The following THOC7 variants were observed in gnomAD, a reference collection of about 807,000 sequenced individuals.
The protein encoded by THOC7 is NIF3L1-binding protein 1.
THOC7 carries 22 observed loss-of-function variants against 33.1 expected under a neutral mutation model. The observed-to-expected ratio is 0.66, with a 90% CI of 0.47 to 0.95. The LOEUF (loss-of-function observed/expected upper bound fraction) is 0.95, where lower values mean the gene tolerates loss of function less well. Among genes scored for constraint, THOC7 ranks in the 40% least tolerant of loss-of-function variants. The probability of loss-of-function intolerance (pLI) is 0.00; values close to 1 mark genes in which losing one functional copy is unlikely to be tolerated. For missense variants in THOC7, 184 were observed against 245.3 expected (o/e 0.75, Z 1.67); for synonymous variants, 77 against 76.8 (o/e 1.00, Z -0.01).
intron 3 of THOC7, 82 bp from the exon 4 acceptor site, chr3:63,838,144 C>A: frequency 7.7e-7 from 1 of 1,307,038 alleles, no homozygotes; most frequent in Admixed American, 2.3e-5. Flanking sequence ...TATAAATTAA[C>A]CTCTATTGGT....
intron 1 of THOC7, among the ~76,000 whole-genome samples, chr3:63,853,701 G>A (rs2107156989): frequency 6.6e-6 from 1 of 152,302 alleles, no homozygotes; most frequent in Non-Finnish European, 1.5e-5. Flanking sequence ...GAGGTCAGGA[G>A]ATCGAGACCA....
chr3:63,856,943 C>A (rs184888582), intron 1 of THOC7, among the ~76,000 whole-genome samples: 9 of 152,166 alleles, frequency 5.9e-5, no homozygotes, highest in African/African-American at 2.2e-4. Context: ...TGGTCTTGAA[C>A]GCCTGACCTC....
chr3:63,849,038 A>G (rs1701967205), intron 1 of THOC7, among the ~76,000 whole-genome samples: 1 of 152,220 alleles, frequency 6.6e-6, no homozygotes, highest in Non-Finnish European at 1.5e-5. Context: ...AATTGGAAAC[A>G]GTGGTTATAT....
In THOC7 at chr3:63,835,379, G is replaced by A; in HGVS notation, c.422C>T (p.Ala141Val). 1 of 1,613,260 alleles carries A rather than the reference G, an allele frequency of 6.2e-7. No individual in the cohort carries two copies. ...AAGATGCTCTAATTCTTTTCCCAGA[G>A]CCTCTAGTTCCCTGGAAATAATAAA... ...DRHETLKELEALGKELEHLSH... is the reference protein window; with the variant it reads ...DRHETLKELEVLGKELEHLSH... The change falls in exon 6 of 8, where the codon GCT becomes GTT. Residue 141 changes from alanine to valine, a missense_variant. By Grantham distance (64) the Ala-to-Val change is moderately conservative. Transcript: ENST00000295899.
chr3:63,847,709 TC>T, intron 1 of THOC7, among the ~76,000 whole-genome samples: 1 of 104,132 alleles, frequency 9.6e-6, no homozygotes, highest in East Asian at 2.5e-4. Context: ...TGCACTCCAG[TC>T]TGGGCAACAG....
rs897968378 is a variant in THOC7, at chr3:63,833,903, G to A, written c.*229C>T. ...AAAAGCATTTTATTAAGCATTTTTG[G>A]ATGTTGCTTCCTACCACTTAAGAAT... is the stretch of plus-strand genomic sequence containing the variant. On this transcript the variant is annotated 3_prime_UTR_variant, in exon 8 of 8. Transcript: ENST00000295899. 1.1e-5 allele frequency: 5 copies of A among 440,850 alleles called. No individual in the cohort carries two copies. Among genetic ancestry groups the A allele is most frequent in the African/African-American group, 6.1e-5 (3 of 49,152 alleles). The allele number at this position is 440,850 out of a possible 1,614,324, so 27.3% of individuals were successfully genotyped here. A position where few individuals can be genotyped will look rare whatever the true frequency, so the allele number is the denominator to read the frequency against.
chr3:63,858,989 G>T (rs1702160380), intron 1 of THOC7, among the ~76,000 whole-genome samples: 1 of 152,220 alleles, frequency 6.6e-6, no homozygotes, highest in African/African-American at 2.4e-5. Context: ...TGGATTACAT[G>T]AAGGGACAGT....
At chr3:63,857,734 T>C (rs1215591219) in intron 1 of THOC7, among the ~76,000 whole-genome samples, 2 of 152,240 alleles carry the variant, frequency 1.3e-5, no homozygotes, top group African/African-American at 4.8e-5. Context: ...TCTACATAAA[T>C]TGCTGATGCC....
chr3:63,859,547 T>C (rs1334135333), intron 1 of THOC7, among the ~76,000 whole-genome samples: 1 of 152,252 alleles, frequency 6.6e-6, no homozygotes, highest in Admixed American at 6.5e-5. Flanking sequence ...GTTGAACCTG[T>C]CAGGTATCAC....
intron 7 of THOC7, 99 bp downstream of exon 7, chr3:63,835,055 A>T: frequency 8.6e-7 from 1 of 1,160,520 alleles, no homozygotes; most frequent in Non-Finnish European, 1.2e-6. Flanking sequence ...CAGAAATTGA[A>T]GGTATACTGT....
chr3:63,863,745 C>T, intron 1 of THOC7, 27 bp downstream of exon 1: 1 of 1,249,354 alleles, frequency 8.0e-7, no homozygotes, highest in Non-Finnish European at 1.0e-6. Context: ...GTGCAGCGGG[C>T]GCGTGTGGCG....
At chr3:63,837,685 G>C (rs1431055309) in intron 4 of THOC7, among the ~76,000 whole-genome samples, 1 of 151,010 alleles carries the variant, frequency 6.6e-6, no homozygotes, top group Non-Finnish European at 1.5e-5. Flanking sequence ...TAGGCAAAAG[G>C]GTCCAAGATG....
chr3:63,847,029 T>C (rs1446009385), intron 1 of THOC7, among the ~76,000 whole-genome samples: 1 of 152,050 alleles, frequency 6.6e-6, no homozygotes, highest in Non-Finnish European at 1.5e-5. Context: ...AATTCACTAG[T>C]AGGAGGGCTA....
intron 7 of THOC7, 80 bp from the exon 8 acceptor site, chr3:63,834,279 A>C (rs1701582157): frequency 7.3e-7 from 1 of 1,372,514 alleles, no homozygotes; most frequent in African/African-American, 1.4e-5. Flanking sequence ...AAACATGTTT[A>C]TCCTTTATTA....
At chr3:63,859,370 TCC>T (rs1252630731) in intron 1 of THOC7, among the ~76,000 whole-genome samples, 1 of 152,202 alleles carries the variant, frequency 6.6e-6, no homozygotes, top group African/African-American at 2.4e-5. Flanking sequence ...CCCTTTTACC[TCC>T]TTTTGCATCG....
chr3:63,850,014 G>C (rs1701987642), intron 1 of THOC7, among the ~76,000 whole-genome samples: 1 of 152,212 alleles, frequency 6.6e-6, no homozygotes, highest in African/African-American at 2.4e-5. Context: ...ATCAGGATGA[G>C]AAGTTGTTGA....
intron 1 of THOC7, chr3:63,860,736 T>C (rs1006179801): frequency 5.3e-5 from 8 of 152,238 alleles, no homozygotes; most frequent in African/African-American, 1.9e-4. Flanking sequence ...ATGTTCTTTT[T>C]GTCTTGTTTT....
In THOC7 at chr3:63,839,742, A is replaced by T; in HGVS notation, c.51T>A (p.Asp17Glu). 1 of 1,612,912 alleles carries T rather than the reference A, an allele frequency of 6.2e-7. No homozygotes were observed. The change falls in exon 2 of 8, where the codon GAT becomes GAA. Residue 17 changes from aspartate (D) to glutamate (E), a missense_variant. By Grantham distance (45) the Asp-to-Glu change is conservative (BLOSUM62 2). Coordinates refer to ENST00000295899, the MANE Select transcript of THOC7 (RefSeq NM_025075.4). ...TCCGATCATCTCCAGCACCATCTCC[A>T]TCAATGAGGAGACGCTTCCGTATAA... is the stretch of plus-strand genomic sequence containing the variant. The part of the protein sequence containing the change: ...DEVIRKRLLI[D>E]GDGAGDDRRI...
chr3:63,855,136 C>A (rs1320003698), intron 1 of THOC7, among the ~76,000 whole-genome samples: 3 of 152,068 alleles, frequency 2.0e-5, no homozygotes, highest in African/African-American at 7.2e-5. Context: ...ATTTGCTCAT[C>A]AAAATGCCTC....
Sources: gnomAD v4.1 joint callset for allele counts (sites outside exome capture counted in the v4.1 genomes callset) on GRCh38, gnomAD v4.1.1 for gene constraint, MANE v1.5 for transcripts, NCBI Gene and HGNC (gene_info 2026-07-23, HGNC 2026-07-21) for gene names.